CALN1: variants seen among roughly 807,000 people sequenced by gnomAD.
CALN1 encodes the protein calneuron 1, also known as calcium-binding protein 8.
A neutral mutation model predicts 30.6 loss-of-function variants in CALN1; 17 were observed. That is an observed-to-expected ratio of 0.56 (90% CI 0.38 to 0.83). The LOEUF is 0.83. Ranked by LOEUF, CALN1 falls within the 40% of genes least tolerant of loss-of-function variation. The pLI, the probability that CALN1 is intolerant of heterozygous loss-of-function variation, is 0.00. For synonymous variants in CALN1, 156 were observed against 131.4 expected (o/e 1.19, Z -1.28); for missense variants, 291 against 354.9 (o/e 0.82, Z 1.45).
intron 5 of CALN1, among the ~76,000 whole-genome samples, chr7:71,932,247 C>A (rs556140407): frequency 6.6e-6 from 1 of 152,274 alleles, no homozygotes; most frequent in East Asian, 1.9e-4. Flanking sequence ...GTGATCATAG[C>A]TCACTGCAAC....
intron 5 of CALN1, among the ~76,000 whole-genome samples, chr7:71,955,316 G>T (rs1796904863): frequency 6.6e-6 from 1 of 152,102 alleles, no homozygotes; most frequent in South Asian, 2.1e-4. Context: ...TGGCAATTAT[G>T]GGAGCTACAA....
rs115964532 is a variant in CALN1 at position 71,792,749 on chromosome 7, G to A, written c.659-4847C>T. ...AGCTTCTTCTCCTGGAAATGTTTCC[G>A]AAGGCAGCCCTTTTCCATTCCATCT... is the stretch of plus-strand genomic sequence containing the variant. On this transcript the variant is annotated intron_variant, in intron 6 of 6. Coordinates refer to ENST00000395275, the MANE Select transcript of CALN1 (RefSeq NM_031468.4). Among the ~76,000 whole-genome samples, 913 of 152,162 alleles carry A rather than the reference G, an allele frequency of 6.0e-3. 5 individuals are homozygous for A. Among genetic ancestry groups the A allele is most frequent in the African/African-American group, 0.02 (825 of 41,520 alleles).
intron 2 of CALN1, among the ~76,000 whole-genome samples, chr7:72,401,855 T>A (rs1480266308): frequency 3.3e-5 from 5 of 152,198 alleles, no homozygotes; most frequent in Admixed American, 6.5e-5. Context: ...CTCCTAGGAC[T>A]TACCAAAATG....
At chr7:71,887,647 G>T (rs371316420) in intron 5 of CALN1, among the ~76,000 whole-genome samples, 1 of 152,210 alleles carries the variant, frequency 6.6e-6, no homozygotes, top group Admixed American at 6.5e-5. Flanking sequence ...GCAAACATAG[G>T]GGGAGGGAGA....
At chr7:72,050,673 T>G (rs1802777286) in intron 4 of CALN1, among the ~76,000 whole-genome samples, 1 of 152,160 alleles carries the variant, frequency 6.6e-6, no homozygotes, top group Admixed American at 6.5e-5. Context: ...TAATCAAACT[T>G]GTTTTCAGAT....
intron 3 of CALN1, among the ~76,000 whole-genome samples, chr7:72,269,781 A>G (rs1339859948): frequency 6.6e-6 from 1 of 152,248 alleles, no homozygotes; most frequent in East Asian, 1.9e-4. Context: ...GTCTATAGTC[A>G]AATATTCACA....
chr7:72,336,786 AG>A (rs1562901384), intron 2 of CALN1: 1 of 984,694 alleles, frequency 1.0e-6, no homozygotes, highest in Non-Finnish European at 1.2e-6. Flanking sequence ...GCCCGCAGGG[AG>A]GGGGCGGTGC....
intron 1 of CALN1, among the ~76,000 whole-genome samples, chr7:72,407,598 T>C (rs917544006): frequency 6.6e-6 from 1 of 152,164 alleles, no homozygotes; most frequent in East Asian, 1.9e-4. Flanking sequence ...ACCATAATTG[T>C]AAGTTTCCTG....
intron 3 of CALN1, among the ~76,000 whole-genome samples, chr7:72,147,055 T>C (rs1388494448): frequency 2.6e-5 from 4 of 152,180 alleles, no homozygotes; most frequent in East Asian, 1.9e-4. Context: ...GACATAGGCA[T>C]AGGCAAGGAC....
At chr7:72,474,572 C>A in the CALN1 span, among the ~76,000 whole-genome samples, 1 of 152,068 alleles carries the variant, frequency 6.6e-6, no homozygotes, top group South Asian at 2.1e-4. Context: ...GTGGTCCCAG[C>A]TACTCAGGAG....
chr7:71,977,806 A>G (rs1399418689), intron 5 of CALN1, among the ~76,000 whole-genome samples: 1 of 151,720 alleles, frequency 6.6e-6, no homozygotes, highest in African/African-American at 2.4e-5. Flanking sequence ...GTGGCGGGCG[A>G]CTGTAATCCC....
intron 1 of CALN1, among the ~76,000 whole-genome samples, chr7:72,407,178 T>G (rs960598843): frequency 2.0e-5 from 3 of 152,246 alleles, no homozygotes; most frequent in Non-Finnish European, 2.9e-5. Context: ...GTTCAAATCC[T>G]GGCTGTGCCA....
intron 2 of CALN1, among the ~76,000 whole-genome samples, chr7:72,331,492 A>T (rs967684640): frequency 5.3e-5 from 8 of 152,222 alleles, no homozygotes; most frequent in Non-Finnish European, 1.2e-4. Flanking sequence ...TCTTGAATGC[A>T]GCAGAATGAT....
At chr7:72,390,609 A>C (rs1805519495) in intron 2 of CALN1, among the ~76,000 whole-genome samples, 1 of 152,112 alleles carries the variant, frequency 6.6e-6, no homozygotes, top group Admixed American at 6.5e-5. Context: ...CATTTTCTTC[A>C]ATTAGGAATG....
At chr7:72,205,568 G>GTATATA (rs1253422246) in intron 3 of CALN1, among the ~76,000 whole-genome samples, 6 of 91,804 alleles carry the variant, frequency 6.5e-5, no homozygotes, top group African/African-American at 3.3e-4. Context: ...ATATATATAT[G>GTATATA]TATATATATA....
intron 3 of CALN1, among the ~76,000 whole-genome samples, chr7:72,119,541 C>T (rs904183458): frequency 1.3e-5 from 2 of 151,462 alleles, no homozygotes; most frequent in Non-Finnish European, 2.9e-5. Flanking sequence ...AGAGCTAACC[C>T]TACATAGGAT....
intron 4 of CALN1, among the ~76,000 whole-genome samples, chr7:72,077,079 T>C (rs1804798745): frequency 6.6e-6 from 1 of 152,098 alleles, no homozygotes; most frequent in Non-Finnish European, 1.5e-5. Flanking sequence ...TTTGGATAAA[T>C]ACCTAGTAGT....
chr7:71,892,604 G>A (rs1275857596), intron 5 of CALN1, among the ~76,000 whole-genome samples: 1 of 152,156 alleles, frequency 6.6e-6, no homozygotes, highest in Non-Finnish European at 1.5e-5. Flanking sequence ...CTGGATGACA[G>A]AGTGAAACTC....
At chr7:72,470,542 T>A in the CALN1 span, among the ~76,000 whole-genome samples, 1 of 152,192 alleles carries the variant, frequency 6.6e-6, no homozygotes, top group African/African-American at 2.4e-5. Flanking sequence ...GGGATAGATT[T>A]CTTGTTTTTC....
Sources: gnomAD v4.1 joint callset for allele counts (sites outside exome capture counted in the v4.1 genomes callset) on GRCh38, gnomAD v4.1.1 for gene constraint, MANE v1.5 for transcripts, NCBI Gene and HGNC (gene_info 2026-07-23, HGNC 2026-07-21) for gene names.